The following SYT14 variants were observed in gnomAD, a reference collection of about 807,000 sequenced individuals.
SYT14 encodes the protein synaptotagmin 14, also known as synaptotagmin-14.
In SYT14, 32 loss-of-function variants were observed where a neutral mutation model predicts 74.2. The observed-to-expected ratio is 0.43, with a 90% confidence interval of 0.33 to 0.58. The LOEUF (loss-of-function observed/expected upper bound fraction) is 0.58, where lower values mean the gene tolerates loss of function less well. Among genes scored for constraint, SYT14 ranks in the 20% least tolerant of loss-of-function variants. SYT14 has a pLI of 0.05. For missense variants in SYT14, 791 were observed against 981.8 expected, an observed-to-expected ratio of 0.81 and a Z score of 2.60; for synonymous variants, 298 against 337.7, an observed-to-expected ratio of 0.88 and a Z score of 1.29.
intron 7 of SYT14, among the ~76,000 whole-genome samples, chr1:210,108,221 A>G: frequency 6.6e-6 from 1 of 152,198 alleles, no homozygotes; most frequent in East Asian, 1.9e-4. Flanking sequence ...CTTGGGTGAG[A>G]AGAGATCTTC....
chr1:210,146,827 C>CATACTATATGTATGTATGTACTACATAT (rs1214749610), intron 7 of SYT14, among the ~76,000 whole-genome samples: 27 of 150,888 alleles, frequency 1.8e-4, no homozygotes, highest in African/African-American at 6.3e-4. Flanking sequence ...ATACTACATG[C>CATACTATATGTATGTATGTACTACATAT]ATACTATATG....
intron 6 of SYT14, among the ~76,000 whole-genome samples, chr1:210,098,513 A>G (rs1293258924): frequency 6.6e-6 from 1 of 152,084 alleles, no homozygotes. Context: ...TCCTGTTTGT[A>G]TATCTGCTTG....
At chr1:210,031,202 TTTC>T (rs2080527529) in intron 5 of SYT14, among the ~76,000 whole-genome samples, 1 of 151,954 alleles carries the variant, frequency 6.6e-6, no homozygotes, top group South Asian at 2.1e-4. Flanking sequence ...TCATATGGTT[TTTC>T]TTCTTCAGCC....
chr1:209,992,314 A>C (rs1156940652), intron 2 of SYT14, among the ~76,000 whole-genome samples: 3 of 152,146 alleles, frequency 2.0e-5, no homozygotes, highest in Admixed American at 6.6e-5. Context: ...CTGGCTAAAA[A>C]ATGTGGTTTA....
At chr1:210,035,010 T>C (rs1572190915) in intron 5 of SYT14, among the ~76,000 whole-genome samples, 2 of 151,974 alleles carry the variant, frequency 1.3e-5, no homozygotes, top group East Asian at 3.9e-4. Context: ...GATTGCTGGA[T>C]TGAATGGTAG....
intron 5 of SYT14, among the ~76,000 whole-genome samples, chr1:210,037,260 G>C (rs891679777): frequency 6.6e-6 from 1 of 151,534 alleles, no homozygotes; most frequent in African/African-American, 2.4e-5. Context: ...GCATTTCTGT[G>C]GTATCACTTA....
chr1:210,085,129 C>G (rs759505304), intron 5 of SYT14, among the ~76,000 whole-genome samples: 1 of 152,168 alleles, frequency 6.6e-6, no homozygotes, highest in Non-Finnish European at 1.5e-5. Flanking sequence ...TTAGCATTAT[C>G]CTTAGGTATT....
At chr1:209,998,282 T>G (rs1301669935) in intron 2 of SYT14, among the ~76,000 whole-genome samples, 2 of 151,988 alleles carry the variant, frequency 1.3e-5, no homozygotes, top group African/African-American at 4.8e-5. Context: ...TATGAAACAC[T>G]GATAAAAGAA....
chr1:210,001,786 C>T (rs529006614), intron 2 of SYT14, among the ~76,000 whole-genome samples: 1 of 152,184 alleles, frequency 6.6e-6, no homozygotes, highest in South Asian at 2.1e-4. Flanking sequence ...ATGTGAATAT[C>T]TGGGAAAATG....
At chr1:210,004,959 A>G (rs954412887) in intron 2 of SYT14, among the ~76,000 whole-genome samples, 4 of 152,038 alleles carry the variant, frequency 2.6e-5, no homozygotes, top group African/African-American at 9.7e-5. Context: ...AGAACATTCC[A>G]GTTGCTATAT....
chr1:210,018,866 G>A (rs1426127159), intron 4 of SYT14, among the ~76,000 whole-genome samples: 1 of 151,978 alleles, frequency 6.6e-6, no homozygotes, highest in Non-Finnish European at 1.5e-5. Flanking sequence ...GGCCAGGCAC[G>A]GTGGCTCACG....
intron 2 of SYT14, among the ~76,000 whole-genome samples, chr1:209,962,000 C>A (rs1185728563): frequency 6.6e-6 from 1 of 152,074 alleles, no homozygotes; most frequent in Non-Finnish European, 1.5e-5. Flanking sequence ...CCTCCATCTT[C>A]AATTTCTATG....
intron 7 of SYT14, among the ~76,000 whole-genome samples, chr1:210,134,697 A>G (rs905691274): frequency 6.6e-6 from 1 of 151,896 alleles, no homozygotes; most frequent in Admixed American, 6.6e-5. Flanking sequence ...CTCCTCCTCC[A>G]TTTCCTAAAT....
At chr1:210,109,345 T>A (rs2082217032) in intron 7 of SYT14, among the ~76,000 whole-genome samples, 1 of 151,772 alleles carries the variant, frequency 6.6e-6, no homozygotes. Context: ...TATGGGAGGC[T>A]GAGGTGGGCA....
intron 5 of SYT14, among the ~76,000 whole-genome samples, chr1:210,024,976 G>A (rs1483384315): frequency 6.6e-6 from 1 of 151,574 alleles, no homozygotes; most frequent in African/African-American, 2.4e-5. Context: ...TAATAAGGAA[G>A]TCAGATTGAA....
chr1:210,150,126 G>A (rs1372491464), intron 7 of SYT14, among the ~76,000 whole-genome samples: 1 of 152,186 alleles, frequency 6.6e-6, no homozygotes, highest in African/African-American at 2.4e-5. Context: ...GTAGGATGCT[G>A]TCTTCCTCTT....
exon 4 of SYT14, chr1:210,015,990 C>T: frequency 8.1e-7 from 1 of 1,231,920 alleles, no homozygotes; most frequent in Non-Finnish European, 1.0e-6. Flanking sequence ...CTTTTAGGAA[C>T]AAGGAATTAG....
At chr1:209,979,487 G>A (rs541704658) in intron 2 of SYT14, among the ~76,000 whole-genome samples, 5 of 152,010 alleles carry the variant, frequency 3.3e-5, no homozygotes, top group African/African-American at 4.8e-5. Context: ...TGCAGGATGC[G>A]AAGGTTTGTT....
At chr1:210,128,120 C>G (rs2082605006) in intron 7 of SYT14, among the ~76,000 whole-genome samples, 1 of 152,118 alleles carries the variant, frequency 6.6e-6, no homozygotes, top group South Asian at 2.1e-4. Flanking sequence ...CGCCTGTAAT[C>G]CCAGCACTTT....
Sources: gnomAD v4.1 joint callset for allele counts (sites outside exome capture counted in the v4.1 genomes callset) on GRCh38, gnomAD v4.1.1 for gene constraint, MANE v1.5 for transcripts, NCBI Gene and HGNC (gene_info 2026-07-23, HGNC 2026-07-21) for gene names.